Variants in GTF2I observed in about 807,000 individuals in gnomAD.
The protein encoded by GTF2I is general transcription factor IIi, also known as general transcription factor II-I.
A neutral mutation model predicts 67.6 loss-of-function variants in GTF2I; 12 were observed. The observed-to-expected ratio is 0.18, with a 90% CI of 0.11 to 0.29. The LOEUF (loss-of-function observed/expected upper bound fraction) is 0.29, where lower values mean the gene tolerates loss of function less well. Ranked by LOEUF, GTF2I falls within the 10% of genes least tolerant of loss-of-function variation. The pLI, the probability that GTF2I is intolerant of heterozygous loss-of-function variation, is 1.00. For missense variants in GTF2I, 271 were observed against 580.1 expected (o/e 0.47, Z 5.47); for synonymous variants, 149 against 197.0 (o/e 0.76, Z 2.04).
intron 6 of GTF2I, among the ~76,000 whole-genome samples, chr7:74,703,731 G>A (rs1468081374): frequency 6.6e-6 from 1 of 152,142 alleles, no homozygotes; most frequent in Non-Finnish European, 1.5e-5. Flanking sequence ...TAAACCCAAA[G>A]GCATGAAGAT....
chr7:74,669,635 G>A (rs1805288088), intron 1 of GTF2I, among the ~76,000 whole-genome samples: 1 of 151,754 alleles, frequency 6.6e-6, no homozygotes, highest in Non-Finnish European at 1.5e-5. Context: ...TCCTGTTCAA[G>A]CTCTTCTCGT....
At chr7:74,703,884 A>G (rs146333175) in intron 6 of GTF2I, among the ~76,000 whole-genome samples, 2 of 152,382 alleles carry the variant, frequency 1.3e-5, no homozygotes, top group Non-Finnish European at 2.9e-5. Flanking sequence ...CAATGATTCC[A>G]GGACAATTTG....
At chr7:74,708,225 C>T (rs1013183135) in intron 8 of GTF2I, among the ~76,000 whole-genome samples, 6 of 152,154 alleles carry the variant, frequency 3.9e-5, no homozygotes, top group Non-Finnish European at 2.9e-5. Flanking sequence ...ATCGTTTGAA[C>T]TCAGGAGGTA....
intron 1 of GTF2I, among the ~76,000 whole-genome samples, chr7:74,686,896 T>C (rs988902136): frequency 7.2e-6 from 1 of 138,322 alleles, no homozygotes; most frequent in Non-Finnish European, 1.6e-5. Context: ...TTTGTTTTTG[T>C]TTTTTTTTTT....
In GTF2I at chr7:74,690,324, A is replaced by C. The variant is rs186894357; in HGVS notation, c.100-649A>C. On this transcript the variant is annotated intron_variant, in intron 2 of 34. Transcript: ENST00000573035. ...CACCAACCTTTTAAATAATGTTATC[A>C]GTAAATCATTCAAGGTATATTCATT... Among the ~76,000 whole-genome samples the C allele has an allele frequency of 2.6e-3, 403 of 152,322 alleles. 2 individuals are homozygous for C. The highest frequency in any genetic ancestry group is 7.6e-3 in the Admixed American group (116 of 15,304).
intron 1 of GTF2I, among the ~76,000 whole-genome samples, chr7:74,659,419 T>A (rs1554385379): frequency 1.3e-5 from 2 of 151,570 alleles, no homozygotes; most frequent in African/African-American, 2.4e-5. Flanking sequence ...AGATGGAGTC[T>A]CACTCTGTGG....
chr7:74,658,530 G>A (rs1455240945), intron 1 of GTF2I, among the ~76,000 whole-genome samples: 5 of 149,824 alleles, frequency 3.3e-5, no homozygotes, highest in Admixed American at 2.7e-4. Flanking sequence ...CGCGGTGCCA[G>A]GCCCGAGCCG....
chr7:74,698,941 A>C lies in GTF2I; in HGVS notation c.239-20A>C, dbSNP rs1789354332. 8.4e-7 allele frequency: 1 copy of C among 1,191,950 alleles called. No individual in the cohort carries two copies. Among genetic ancestry groups the C allele is most frequent in the African/African-American group, 1.6e-5 (1 of 62,938 alleles). 73.8% of individuals were successfully genotyped at this position (1,191,950 alleles called of 1,614,324 possible). A position where few individuals can be genotyped will look rare whatever the true frequency, so the allele number is the denominator to read the frequency against. On this transcript the variant is annotated intron_variant, in intron 3 of 34. Coordinates refer to ENST00000573035, the MANE Select transcript of GTF2I (RefSeq NM_032999.4). ...GACCTTATTATTATTTTTTTATTTT[A>C]TTTTTTATTTTTTTTACAGGTGTTG...
intron 6 of GTF2I, among the ~76,000 whole-genome samples, chr7:74,704,535 T>C (rs1303980321): frequency 6.6e-6 from 1 of 151,986 alleles, no homozygotes; most frequent in African/African-American, 2.4e-5. Context: ...TCAAGCAATC[T>C]ACCCATCTCA....
intron 1 of GTF2I, among the ~76,000 whole-genome samples, chr7:74,680,114 A>ATATG (rs797040442): frequency 1.6e-5 from 2 of 121,472 alleles, no homozygotes; most frequent in African/African-American, 3.3e-5. Flanking sequence ...ATATATATAT[A>ATATG]TATGTATGTA....
chr7:74,659,394 ATTT>A (rs782262816), intron 1 of GTF2I, among the ~76,000 whole-genome samples: 2 of 144,982 alleles, frequency 1.4e-5, no homozygotes, highest in Non-Finnish European at 3.0e-5. Flanking sequence ...TGCCCTGCTA[ATTT>A]TTTTTTTTTT....
chr7:74,660,480 C>G (rs1160866773), intron 1 of GTF2I, among the ~76,000 whole-genome samples: 1 of 152,178 alleles, frequency 6.6e-6, no homozygotes, highest in Non-Finnish European at 1.5e-5. Context: ...GCGTGAGCCA[C>G]CGCTCCCGGC....
At chr7:74,661,213 C>G (rs1393285942) in intron 1 of GTF2I, among the ~76,000 whole-genome samples, 1 of 152,134 alleles carries the variant, frequency 6.6e-6, no homozygotes, top group Non-Finnish European at 1.5e-5. Flanking sequence ...TGGGCCCTAC[C>G]TCCCAGGCTG....
chr7:74,659,499 C>A (rs782181981), intron 1 of GTF2I, among the ~76,000 whole-genome samples: 3 of 152,060 alleles, frequency 2.0e-5, no homozygotes, highest in Non-Finnish European at 2.9e-5. Context: ...AAGCCGTTCT[C>A]CTGCCTCAGC....
chr7:74,704,617 G>T (rs980617763), intron 6 of GTF2I, among the ~76,000 whole-genome samples: 13 of 152,058 alleles, frequency 8.5e-5, no homozygotes, highest in African/African-American at 3.1e-4. Context: ...TGGGAGACCA[G>T]AGTGGGAGTC....
chr7:74,693,618 G>A (rs1395727391), intron 3 of GTF2I, among the ~76,000 whole-genome samples: 4 of 152,072 alleles, frequency 2.6e-5, no homozygotes, highest in Non-Finnish European at 4.4e-5. Context: ...AGGCCGAGAT[G>A]TGTGGACCAC....
In GTF2I at chr7:74,700,445, CCCTTTGTACCCAT is replaced by C. The variant is rs1789571273; in HGVS notation, c.557+17_557+29del. 6.2e-7 allele frequency: 1 copy of C among 1,613,488 alleles called. No homozygotes were observed. Among genetic ancestry groups the C allele is most frequent in the East Asian group, 2.2e-5 (1 of 44,882 alleles). On this transcript the variant is annotated intron_variant, in intron 5 of 34. Coordinates refer to ENST00000573035, the MANE Select transcript of GTF2I (RefSeq NM_032999.4). ...ATCATTAAGAGGTGAAGTGCTTTCT[CCCTTTGTACCCAT>C]CAACAGTTGATTCGTATAAATTTGA... is the stretch of plus-strand genomic sequence containing the variant.
chr7:74,705,128 G>A (rs782303052), intron 6 of GTF2I, 36 bp from the exon 7 acceptor site: 4 of 1,388,654 alleles, frequency 2.9e-6, no homozygotes, highest in Non-Finnish European at 4.1e-6. Context: ...TTGAAATGTT[G>A]AAAAACTAAC....
chr7:74,675,318 T>C (rs1342421425), intron 1 of GTF2I, among the ~76,000 whole-genome samples: 3 of 152,198 alleles, frequency 2.0e-5, no homozygotes, highest in Non-Finnish European at 4.4e-5. Flanking sequence ...GGAATATCCA[T>C]GTTTTCCTTG....
Sources: gnomAD v4.1 joint callset for allele counts (sites outside exome capture counted in the v4.1 genomes callset) on GRCh38, gnomAD v4.1.1 for gene constraint, MANE v1.5 for transcripts, NCBI Gene and HGNC (gene_info 2026-07-23, HGNC 2026-07-21) for gene names.